MORC3: variants seen among roughly 807,000 people sequenced by gnomAD.
The protein encoded by MORC3 is MORC family CW-type zinc finger 3, also known as MORC family CW-type zinc finger protein 3.
MORC3 carries 31 observed loss-of-function variants against 109.1 expected under a neutral mutation model. The observed-to-expected ratio is 0.28, with a 90% confidence interval of 0.21 to 0.38. The LOEUF (loss-of-function observed/expected upper bound fraction) is 0.38. Among genes scored for constraint, MORC3 ranks in the 10% least tolerant of loss-of-function variants. MORC3 has a pLI of 1.00. For missense variants in MORC3, 867 were observed against 1,135.8 expected (o/e 0.76, Z 3.40); for synonymous variants, 395 against 380.7 (o/e 1.04, Z -0.44).
At chr21:36,350,374 C>T (rs1285063301) in intron 9 of MORC3, among the ~76,000 whole-genome samples, 1 of 151,900 alleles carries the variant, frequency 6.6e-6, no homozygotes, top group Non-Finnish European at 1.5e-5. Context: ...CGGAGGATCG[C>T]TTGAGCCGAG....
intron 1 of MORC3, 42 bp downstream of exon 1, chr21:36,320,345 G>A: frequency 7.2e-7 from 1 of 1,394,656 alleles, no homozygotes; most frequent in South Asian, 1.5e-5. Flanking sequence ...GTCCCAGGAG[G>A]GCGGGCGGGC....
chr21:36,331,444 A>G (rs976664817), intron 1 of MORC3, among the ~76,000 whole-genome samples: 4 of 152,076 alleles, frequency 2.6e-5, no homozygotes, highest in Non-Finnish European at 5.9e-5. Flanking sequence ...TAAAAATACA[A>G]AAAATTAGCT....
At chr21:36,335,904 A>G (rs895127088) in intron 2 of MORC3, among the ~76,000 whole-genome samples, 1 of 152,036 alleles carries the variant, frequency 6.6e-6, no homozygotes, top group Non-Finnish European at 1.5e-5. Flanking sequence ...TACAATAGCC[A>G]GGTTAGTCTC....
Position 36,369,078 on chromosome 21 carries a change from T to C in MORC3, c.1710T>C (p.Gly570=), listed in dbSNP as rs758881616. The part of the protein sequence containing the change: ...SSQFENSVYK[G]DDDDEDVIIL... The stretch of plus-strand genomic sequence containing the variant: ...AGTTTGAAAATTCAGTTTATAAAGG[T>C]GATGATGATGATGAAGATGTCATCA... Residue 570 remains glycine (G), a synonymous_variant, in exon 15 of 17, where the codon GGT becomes GGC. Transcript: ENST00000400485. 1 of 1,610,548 alleles carries C rather than the reference T, an allele frequency of 6.2e-7. No homozygotes were observed. The highest frequency in any genetic ancestry group is 1.1e-5 in the South Asian group (1 of 90,760).
intron 2 of MORC3, 91 bp downstream of exon 2, chr21:36,333,809 G>C (rs1482117648): frequency 9.6e-7 from 1 of 1,045,900 alleles, no homozygotes; most frequent in East Asian, 2.5e-5. Context: ...TTTAAACAGA[G>C]TCTCTCTCTG....
Position 36,344,725 on chromosome 21 carries a change from C to G in MORC3, c.885+18C>G. ...AATTTTTAGTATCCTTTTTCTGATT[C>G]CTTATAGAGATATGTTAGTCAGGTG... On this transcript the variant is annotated intron_variant, in intron 7 of 16. Coordinates refer to ENST00000400485, the MANE Select transcript of MORC3 (RefSeq NM_015358.3). 6.2e-7 allele frequency: 1 copy of G among 1,612,040 alleles called. No homozygotes were observed. The highest frequency in any genetic ancestry group is 8.5e-7 in the Non-Finnish European group (1 of 1,178,930).
At chr21:36,358,860 T>C (rs2085678971) in intron 10 of MORC3, among the ~76,000 whole-genome samples, 1 of 151,978 alleles carries the variant, frequency 6.6e-6, no homozygotes, top group Non-Finnish European at 1.5e-5. Flanking sequence ...TTTGTATTTT[T>C]AGTAGAGATG....
intron 5 of MORC3, among the ~76,000 whole-genome samples, chr21:36,340,380 C>T (rs1490604829): frequency 6.6e-6 from 1 of 151,874 alleles, no homozygotes; most frequent in Non-Finnish European, 1.5e-5. Context: ...TCACAGGAAT[C>T]CCTCATGTTG....
At chr21:36,320,752 C>T (rs145202610) in intron 1 of MORC3, 4,144 of 166,414 alleles carry the variant, frequency 0.025, 69 homozygotes, top group Admixed American at 0.046. Flanking sequence ...TGCGGGCCTG[C>T]CTGCGGGCGA....
chr21:36,321,870 C>T (rs545881246), intron 1 of MORC3, among the ~76,000 whole-genome samples: 9 of 152,280 alleles, frequency 5.9e-5, no homozygotes, highest in Non-Finnish European at 1.3e-4. Context: ...GACTCTGGCT[C>T]TTCAAGATTG....
In MORC3 at chr21:36,369,139, G is replaced by GGTCTC; in HGVS notation, c.1771_1772insGTCTC (p.Asp591GlyfsTer8). 6.2e-7 allele frequency: 1 copy of GGTCTC among 1,614,100 alleles called. No homozygotes were observed. Among genetic ancestry groups the GGTCTC allele is most frequent in the South Asian group, 1.1e-5 (1 of 91,060 alleles). On this transcript the variant is annotated frameshift_variant, in exon 15 of 17. Transcript: ENST00000400485. LOFTEE classifies it high-confidence loss of function. The stretch of plus-strand genomic sequence containing the variant: ...AAACAGTACCCCCAAACCTGCAGTA[G>GGTCTC]ATCATGATATTGACATGAAATCAGA...
intron 1 of MORC3, among the ~76,000 whole-genome samples, chr21:36,328,958 A>G (rs2085281515): frequency 6.6e-6 from 1 of 151,716 alleles, no homozygotes. Flanking sequence ...GAACTACAAC[A>G]ACAACAAAAA....
intron 9 of MORC3, among the ~76,000 whole-genome samples, chr21:36,353,707 A>C (rs1428477311): frequency 6.9e-6 from 1 of 145,822 alleles, no homozygotes; most frequent in Non-Finnish European, 1.5e-5. Flanking sequence ...CAGCCTCCCA[A>C]GTAGCTGGGA....
In MORC3 at chr21:36,369,135, A is replaced by C; in HGVS notation, c.1767A>C (p.Ala589=). ...AAGAAAACAGTACCCCCAAACCTGC[A>C]GTAGATCATGATATTGACATGAAAT... ...ILEENSTPKP[A]VDHDIDMKSE... The change falls in exon 15 of 17, where the codon GCA becomes GCC. Residue 589 remains alanine (A), a synonymous_variant. Transcript: ENST00000400485. 6.2e-7 allele frequency: 1 copy of C among 1,614,170 alleles called. No individual in the cohort carries two copies. Among genetic ancestry groups the C allele is most frequent in the Non-Finnish European group, 8.5e-7 (1 of 1,180,036 alleles).
At chr21:36,327,489 A>G (rs1015364528) in intron 1 of MORC3, among the ~76,000 whole-genome samples, 1 of 151,266 alleles carries the variant, frequency 6.6e-6, no homozygotes, top group Admixed American at 6.6e-5. Flanking sequence ...CACTTCTTCC[A>G]TAAAATACAG....
At chr21:36,322,517 G>T (rs564673854) in intron 1 of MORC3, among the ~76,000 whole-genome samples, 1 of 151,944 alleles carries the variant, frequency 6.6e-6, no homozygotes, top group Non-Finnish European at 1.5e-5. Flanking sequence ...GTTTACACGC[G>T]TGGGCCACCA....
chr21:36,338,477 C>T (rs960327725), intron 4 of MORC3, among the ~76,000 whole-genome samples: 4 of 151,756 alleles, frequency 2.6e-5, no homozygotes, highest in Admixed American at 6.6e-5. Context: ...TGCTTGAGCC[C>T]GGAATTTTGA....
chr21:36,359,924 G>A, intron 10 of MORC3, 31 bp from the exon 11 acceptor site: 2 of 1,612,420 alleles, frequency 1.2e-6, no homozygotes, highest in Non-Finnish European at 1.7e-6. Flanking sequence ...CCATATTTCT[G>A]TGTTAATATT....
intron 1 of MORC3, among the ~76,000 whole-genome samples, chr21:36,324,437 C>G (rs554426331): frequency 4.0e-5 from 6 of 151,872 alleles, no homozygotes; most frequent in African/African-American, 1.4e-4. Flanking sequence ...GCCACGTTGC[C>G]TGGTTAATTT....
Sources: gnomAD v4.1 joint callset for allele counts (sites outside exome capture counted in the v4.1 genomes callset) on GRCh38, gnomAD v4.1.1 for gene constraint, MANE v1.5 for transcripts, NCBI Gene and HGNC (gene_info 2026-07-23, HGNC 2026-07-21) for gene names.